Variants in GNAT2 observed in about 807,000 individuals in gnomAD.
GNAT2 encodes guanine nucleotide-binding protein G(t) subunit alpha-2.
GNAT2 carries 32 observed loss-of-function variants against 40.9 expected under a neutral mutation model. The ratio of observed to expected loss-of-function variants is 0.78; its 90% CI spans 0.59 to 1.05. The LOEUF is 1.05. GNAT2 is among the 50% of genes least tolerant of loss of function. GNAT2 has a pLI of 0.00. For synonymous variants in GNAT2, 141 were observed against 157.2 expected, an observed-to-expected ratio of 0.90 and a Z score of 0.77; for missense variants, 355 against 431.5, an observed-to-expected ratio of 0.82 and a Z score of 1.57.
chr1:109,604,056 TG>T lies in GNAT2; in HGVS notation c.768del (p.His256GlnfsTer48). 6.2e-7 allele frequency: 1 copy of T among 1,611,224 alleles called. No homozygotes were observed. The highest frequency in any genetic ancestry group is 1.1e-5 in the South Asian group (1 of 91,026). ...ACAATGGAAGTAGCCGCAAAGAATT[TG>T]TGGTTACATATGCTGTTGAACAGAT... The part of the protein sequence containing the change: ...SLHLFNSICN[H>X]KFFAATSIVL... On this transcript the variant is annotated frameshift_variant, in exon 8 of 9. Transcript: ENST00000679935. LOFTEE classifies it high-confidence loss of function.
chr1:109,603,657 G>A, intron 8 of GNAT2, 113 bp from the exon 9 acceptor site: 1 of 777,986 alleles, frequency 1.3e-6, no homozygotes. Flanking sequence ...ACAGCAGTTG[G>A]GGGCCTATTT....
In GNAT2 at chr1:109,609,871, C is replaced by G. The variant is rs572953008; in HGVS notation, c.303+169G>C. ...CTTACTGCGTAGATGGGTAAAGGGC[C>G]TTGAGATGGTATACACAGTACACCT... is the stretch of plus-strand genomic sequence containing the variant. On this transcript the variant is annotated intron_variant, in intron 4 of 8. Coordinates refer to ENST00000679935, the MANE Select transcript of GNAT2 (RefSeq NM_001377295.2). The G allele has an allele frequency of 7.4e-4, 539 of 726,980 alleles. 1 individual carries two copies. Among genetic ancestry groups the G allele is most frequent in the Non-Finnish European group, 1.2e-3 (465 of 401,576 alleles). 45.0% of individuals were successfully genotyped at this position (726,980 alleles called of 1,614,324 possible).
chr1:109,609,004 G>A lies in GNAT2; in HGVS notation c.304-216C>T, dbSNP rs1479009741. ...GGCACTATACCCAGCCCTGGGGTGT[G>A]TCTAAAGCGGGGCAGGGGTCCCAGG... is the stretch of plus-strand genomic sequence containing the variant. On this transcript the variant is annotated intron_variant, in intron 4 of 8. Coordinates refer to ENST00000679935, the MANE Select transcript of GNAT2 (RefSeq NM_001377295.2). The A allele has an allele frequency of 1.0e-5, 6 of 592,266 alleles. No individual in the cohort carries two copies. In the East Asian group the frequency reaches 1.5e-4, roughly 15 times the overall value. The allele number at this position is 592,266 out of a possible 1,614,324, so 36.7% of individuals were successfully genotyped here. A position where few individuals can be genotyped will look rare whatever the true frequency, so the allele number is the denominator to read the frequency against.
intron 7 of GNAT2, chr1:109,604,924 T>A (rs1439269853): frequency 6.6e-6 from 1 of 152,318 alleles, no homozygotes; most frequent in African/African-American, 2.4e-5. Flanking sequence ...TTAATAAACC[T>A]CATAGACTCA....
At chr1:109,605,362 G>T (rs139389234) in intron 7 of GNAT2, 76 of 155,200 alleles carry the variant, frequency 4.9e-4, no homozygotes, top group South Asian at 7.9e-4. Context: ...AAACTGGCTG[G>T]GCTCTAACAC....
intron 2 of GNAT2, chr1:109,610,772 C>T: frequency 1.8e-6 from 1 of 551,398 alleles, no homozygotes. Context: ...GGCCTCTACC[C>T]ACTAGAGGCC....
At position 109,610,091 on chromosome 1, in the gene GNAT2, G is replaced by T. The variant is rs371604259; in HGVS notation, c.252C>A (p.Ile84=). 1.5e-5 allele frequency: 24 copies of T among 1,613,868 alleles called. No homozygotes were observed. The highest frequency in any genetic ancestry group is 2.0e-5 in the Non-Finnish European group (24 of 1,179,756). Residue 84 remains isoleucine (I), a synonymous_variant, in exon 4 of 9, where the codon ATC becomes ATA. Transcript: ENST00000679935. ...TGCCCAGTGTGGTCATGGCCCGGATGATAGCCAGGATGGACTGCAGCACAT... is the reference window on the plus strand; with the variant it reads ...TGCCCAGTGTGGTCATGGCCCGGATTATAGCCAGGATGGACTGCAGCACAT... ...YGNVLQSILA[I]IRAMTTLGID...
chr1:109,603,841 T>C (rs1177141572), intron 8 of GNAT2, 110 bp downstream of exon 8: 6 of 842,988 alleles, frequency 7.1e-6, no homozygotes, highest in Non-Finnish European at 1.2e-5. Flanking sequence ...CCTGTAACTG[T>C]GCCCAAGGTT....
At chr1:109,618,653 C>A (rs1048497962) in intron 1 of GNAT2, among the ~76,000 whole-genome samples, 1 of 152,226 alleles carries the variant, frequency 6.6e-6, no homozygotes, top group African/African-American at 2.4e-5. Flanking sequence ...CCCTTGCCAA[C>A]CTGCATTAGC....
At chr1:109,616,639 C>G (rs1649957853) in intron 1 of GNAT2, 1 of 152,158 alleles carries the variant, frequency 6.6e-6, no homozygotes, top group Admixed American at 6.5e-5. Context: ...TGTTTAAGAC[C>G]TAGCATTCAC....
chr1:109,604,062 T>C lies in GNAT2; in HGVS notation c.763A>G (p.Asn255Asp), dbSNP rs1649518830. The stretch of plus-strand genomic sequence containing the variant: ...GAAGTAGCCGCAAAGAATTTGTGGT[T>C]ACATATGCTGTTGAACAGATGCAAA... The part of the protein sequence containing the change: ...ESLHLFNSIC[N>D]HKFFAATSIV... The change falls in exon 8 of 9, where the codon AAC (asparagine) becomes GAC (aspartate). Residue 255 changes from asparagine (N) to aspartate (D), a missense_variant. Asn to Asp is a conservative substitution (Grantham distance 23, BLOSUM62 1). Coordinates refer to ENST00000679935, the MANE Select transcript of GNAT2 (RefSeq NM_001377295.2). 1 of 1,611,062 alleles carries C rather than the reference T, an allele frequency of 6.2e-7. No homozygotes were observed. Among genetic ancestry groups the C allele is most frequent in the African/African-American group, 1.3e-5 (1 of 74,854 alleles).
At chr1:109,604,971 T>G (rs922108180) in intron 7 of GNAT2, 1 of 152,276 alleles carries the variant, frequency 6.6e-6, no homozygotes, top group Non-Finnish European at 1.5e-5. Context: ...TCTCATAGAC[T>G]GTAATCTTTA....
At chr1:109,614,996 C>T (rs1275024743) in intron 1 of GNAT2, 1 of 152,214 alleles carries the variant, frequency 6.6e-6, no homozygotes, top group Non-Finnish European at 1.5e-5. Context: ...CTCCAGCGTA[C>T]TCACAATACT....
chr1:109,607,500 G>A (rs1649648073), intron 5 of GNAT2: 1 of 150,960 alleles, frequency 6.6e-6, no homozygotes, highest in East Asian at 2.0e-4. Context: ...AGATGACTGA[G>A]AGGAGGAGGG....
intron 5 of GNAT2, chr1:109,607,909 C>G (rs1197969478): frequency 6.3e-6 from 1 of 159,258 alleles, no homozygotes; most frequent in African/African-American, 2.4e-5. Context: ...GCTCCGGGAA[C>G]AGTAAGTGAT....
At chr1:109,612,562 C>T (rs955503338) in intron 2 of GNAT2, 191 bp downstream of exon 2, 2 of 644,804 alleles carry the variant, frequency 3.1e-6, no homozygotes, top group African/African-American at 3.6e-5. Flanking sequence ...TTCTGGATCC[C>T]CTTGGGGTGG....
At chr1:109,608,816 T>C in intron 4 of GNAT2, 28 bp from the exon 5 acceptor site, 1 of 1,597,180 alleles carries the variant, frequency 6.3e-7, no homozygotes, top group Non-Finnish European at 8.6e-7. Flanking sequence ...GGTTAAGAAC[T>C]TCACAGGAGT....
chr1:109,607,476 G>A (rs1292023956), intron 5 of GNAT2: 2 of 145,216 alleles, frequency 1.4e-5, no homozygotes, highest in South Asian at 4.3e-4. Flanking sequence ...CAAGAGGAAG[G>A]CAGATGTGAA....
At position 109,612,984 on chromosome 1, in the gene GNAT2, CT is replaced by C. The variant is rs1649848114; in HGVS notation, c.-53-62del. 3.8e-6 allele frequency: 3 copies of C among 785,138 alleles called. No individual in the cohort carries two copies. In the Admixed American group the frequency reaches 5.1e-5, roughly 13 times the overall value. The allele number at this position is 785,138 out of a possible 1,614,324, so 48.6% of individuals were successfully genotyped here. A position where few individuals can be genotyped will look rare whatever the true frequency, so the allele number is the denominator to read the frequency against. On this transcript the variant is annotated intron_variant, in intron 1 of 8. Coordinates refer to ENST00000679935, the MANE Select transcript of GNAT2 (RefSeq NM_001377295.2). ...GATTGAGTATCCCAACTTGGCTCCC[CT>C]AAAAGCTGGTCTGTACGATGGCAGG...
Sources: allele counts gnomAD v4.1 joint callset (sites outside exome capture counted in the v4.1 genomes callset), GRCh38; gene constraint gnomAD v4.1.1; transcripts MANE v1.5; gene names NCBI Gene and HGNC (gene_info 2026-07-23, HGNC 2026-07-21).